Variants in CDH4 observed in about 807,000 individuals in gnomAD.
CDH4 encodes the protein cadherin-4.
In CDH4, 33 loss-of-function variants were observed where a neutral mutation model predicts 86.0. The observed-to-expected ratio is 0.38, with a 90% CI of 0.29 to 0.51. The LOEUF is 0.51. Ranked by LOEUF, CDH4 falls within the 20% of genes least tolerant of loss-of-function variation. CDH4 has a pLI of 0.86. For missense variants in CDH4, 1,114 were observed against 1,307.4 expected (o/e 0.85, Z 2.28); for synonymous variants, 555 against 549.4 (o/e 1.01, Z -0.14).
chr20:61,688,317 C>CCTCCTCCCTCCTCT (rs1457319777), intron 2 of CDH4, among the ~76,000 whole-genome samples: 16 of 152,094 alleles, frequency 1.1e-4, no homozygotes, highest in African/African-American at 3.6e-4. Context: ...CTCCCACCTT[C>CCTCCTCCCTCCTCT]CTCCTCCCTC....
chr20:61,771,119 T>G (rs1221616485), intron 3 of CDH4, among the ~76,000 whole-genome samples: 1 of 150,320 alleles, frequency 6.7e-6, no homozygotes, highest in Non-Finnish European at 1.5e-5. Flanking sequence ...CAAGTGATTC[T>G]CCGGTGTCAG....
intron 2 of CDH4, among the ~76,000 whole-genome samples, chr20:61,677,488 A>T (rs1384947334): frequency 6.6e-6 from 1 of 152,192 alleles, no homozygotes; most frequent in Non-Finnish European, 1.5e-5. Context: ...TATAGACCTG[A>T]CGATAATACA....
rs2054736376 is a variant in CDH4, at chr20:61,902,408, C to A, written c.1188+7361C>A. Among the ~76,000 whole-genome samples the A allele has an allele frequency of 6.6e-6, 1 of 152,256 alleles. No individual in the cohort carries two copies. The highest frequency in any genetic ancestry group is 1.5e-5 in the Non-Finnish European group (1 of 68,052). ...GCCCTGGGGCACGCGGTCACCACCCCGCAGAACCGCTCCCGTGCTCGTTGC... is the reference window on the plus strand; with the variant it reads ...GCCCTGGGGCACGCGGTCACCACCCAGCAGAACCGCTCCCGTGCTCGTTGC... On this transcript the variant is annotated intron_variant, in intron 8 of 15. Coordinates refer to ENST00000614565, the MANE Select transcript of CDH4 (RefSeq NM_001794.5). The surrounding 1 kb of genome is among the most constrained non-coding windows in gnomAD (Gnocchi z 4.6).
chr20:61,818,494 G>C (rs1980849601), intron 4 of CDH4, among the ~76,000 whole-genome samples: 1 of 152,058 alleles, frequency 6.6e-6, no homozygotes, highest in East Asian at 1.9e-4. Context: ...GGGTAACATA[G>C]CAAGGCCCTG....
intron 2 of CDH4, among the ~76,000 whole-genome samples, chr20:61,563,688 G>C (rs1448102662): frequency 6.6e-6 from 1 of 152,204 alleles, no homozygotes; most frequent in African/African-American, 2.4e-5. Context: ...TGCAAATGCA[G>C]CTCCCTTCCA....
intron 2 of CDH4, among the ~76,000 whole-genome samples, chr20:61,519,248 C>G (rs759162306): frequency 1.3e-5 from 2 of 152,184 alleles, no homozygotes; most frequent in Admixed American, 6.5e-5. Flanking sequence ...TCTTTGAAAA[C>G]TGACTTCAAT....
At chr20:61,722,712 G>A (rs533165685) in intron 2 of CDH4, among the ~76,000 whole-genome samples, 1 of 146,890 alleles carries the variant, frequency 6.8e-6, no homozygotes, top group African/African-American at 2.5e-5. Context: ...GACAAGATCT[G>A]GGAGCAGTTT....
intron 2 of CDH4, among the ~76,000 whole-genome samples, chr20:61,541,226 C>T (rs1200645507): frequency 6.6e-6 from 1 of 152,206 alleles, no homozygotes; most frequent in Non-Finnish European, 1.5e-5. Flanking sequence ...TGCTGCCCTC[C>T]CACTGGCATC....
At chr20:61,401,879 G>C (rs1253163422) in intron 2 of CDH4, among the ~76,000 whole-genome samples, 1 of 152,194 alleles carries the variant, frequency 6.6e-6, no homozygotes, top group African/African-American at 2.4e-5. Flanking sequence ...GGGAGCCCAG[G>C]GGACAGAGGC....
At chr20:61,598,711 C>T (rs1159986534) in intron 2 of CDH4, among the ~76,000 whole-genome samples, 3 of 152,186 alleles carry the variant, frequency 2.0e-5, no homozygotes, top group Admixed American at 1.3e-4. Context: ...CAGATCTCAT[C>T]GTGTTTCTCA....
At chr20:61,344,839 G>GA (rs542996466) in intron 2 of CDH4, among the ~76,000 whole-genome samples, 26 of 152,282 alleles carry the variant, frequency 1.7e-4, no homozygotes, top group African/African-American at 6.0e-4. Flanking sequence ...TTGATCATAT[G>GA]AAGCCACCAA....
intron 2 of CDH4, among the ~76,000 whole-genome samples, chr20:61,706,235 T>C (rs1479211174): frequency 6.6e-6 from 1 of 151,876 alleles, no homozygotes; most frequent in Non-Finnish European, 1.5e-5. Flanking sequence ...TCTCAGAGGG[T>C]CTGGGCAGCT....
chr20:61,895,143 T>C, intron 8 of CDH4, 96 bp downstream of exon 8: 6 of 1,418,796 alleles, frequency 4.2e-6, no homozygotes, highest in Non-Finnish European at 4.8e-6. Flanking sequence ...CGGCTCTGCC[T>C]GACGGGCACT....
At chr20:61,359,160 G>A (rs2084769987) in intron 2 of CDH4, among the ~76,000 whole-genome samples, 1 of 152,226 alleles carries the variant, frequency 6.6e-6, no homozygotes, top group African/African-American at 2.4e-5. Context: ...TTCTCATCTT[G>A]GCTTTCTTTT....
chr20:61,304,269 C>CG (rs33995092), intron 2 of CDH4, among the ~76,000 whole-genome samples: 5 of 151,782 alleles, frequency 3.3e-5, no homozygotes, highest in African/African-American at 4.8e-5. Flanking sequence ...CGGCACCCCC[C>CG]CAACCCCCCG....
Position 61,785,003 on chromosome 20 carries a change from A to G in CDH4, c.576+11821A>G, listed in dbSNP as rs74512679. 2.0e-3 allele frequency among the ~76,000 whole-genome samples: 297 copies of G among 152,192 alleles called. 1 individual carries two copies. The highest frequency in any genetic ancestry group is 6.7e-3 in the African/African-American group (277 of 41,546). ...ACCTGAGCCACGCTGGCCACTCCCCAAGCTCACTCGAGGTCGAAGCTGTGG... is the reference window on the plus strand; with the variant it reads ...ACCTGAGCCACGCTGGCCACTCCCCGAGCTCACTCGAGGTCGAAGCTGTGG... On this transcript the variant is annotated intron_variant, in intron 4 of 15. Coordinates refer to ENST00000614565, the MANE Select transcript of CDH4 (RefSeq NM_001794.5).
chr20:61,633,234 CATCCATCT>C (rs1162925341), intron 2 of CDH4, among the ~76,000 whole-genome samples: 2 of 145,650 alleles, frequency 1.4e-5, no homozygotes, highest in Non-Finnish European at 2.9e-5. Flanking sequence ...TTCATTCATC[CATCCATCT>C]ATCCATCTAT....
rs543435381 is a variant in CDH4 at position 61,504,284 on chromosome 20, G to A, written c.170-239279G>A. On this transcript the variant is annotated intron_variant, in intron 2 of 15. Coordinates refer to ENST00000614565, the MANE Select transcript of CDH4 (RefSeq NM_001794.5). ...TCTTCCTATGGCTGAGGCTGGCTTAGCCTGAAATTCAGGAGGTTCCTCTCT... is the reference window on the plus strand; with the variant it reads ...TCTTCCTATGGCTGAGGCTGGCTTAACCTGAAATTCAGGAGGTTCCTCTCT... Among the ~76,000 whole-genome samples, 121 of 152,326 alleles carry A rather than the reference G, an allele frequency of 7.9e-4. 1 individual carries two copies. The highest frequency in any genetic ancestry group is 7.5e-3 in the South Asian group (36 of 4,828).
intron 2 of CDH4, among the ~76,000 whole-genome samples, chr20:61,463,108 C>G (rs1008138022): frequency 2.0e-5 from 3 of 152,194 alleles, no homozygotes; most frequent in Non-Finnish European, 4.4e-5. Flanking sequence ...TGCACAAACT[C>G]TCTCTTGCCT....
Sources: allele counts gnomAD v4.1 joint callset (sites outside exome capture counted in the v4.1 genomes callset), GRCh38; gene constraint gnomAD v4.1.1; non-coding constraint Gnocchi (gnomAD v3.1); transcripts MANE v1.5; gene names NCBI Gene and HGNC (gene_info 2026-07-23, HGNC 2026-07-21).